Variants in CNTN1 observed in about 807,000 individuals in gnomAD.
The protein encoded by CNTN1 is contactin 1.
A neutral mutation model predicts 126.4 loss-of-function variants in CNTN1; 38 were observed. That is an observed-to-expected ratio of 0.30 (90% CI 0.23 to 0.39). The LOEUF is 0.39. Among genes scored for constraint, CNTN1 ranks in the 10% least tolerant of loss-of-function variants. CNTN1 has a pLI of 1.00. For missense variants in CNTN1, 1,009 were observed against 1,248.4 expected, an observed-to-expected ratio of 0.81 and a Z score of 2.89; for synonymous variants, 413 against 422.6, an observed-to-expected ratio of 0.98 and a Z score of 0.28.
intron 3 of CNTN1, among the ~76,000 whole-genome samples, chr12:40,912,979 C>A (rs1480488313): frequency 1.3e-5 from 2 of 152,148 alleles, no homozygotes; most frequent in African/African-American, 4.8e-5. Flanking sequence ...AGAAGATGCC[C>A]AGCCAGGTAT....
Position 40,924,591 on chromosome 12 carries a change from G to A in CNTN1, c.435G>A (p.Glu145=), listed in dbSNP as rs1945569422. The A allele has an allele frequency of 1.2e-6, 2 of 1,607,580 alleles. No homozygotes were observed. The highest frequency in any genetic ancestry group is 1.7e-6 in the Non-Finnish European group (2 of 1,174,778). The change falls in exon 6 of 24, where the codon GAG becomes GAA. Residue 145 remains glutamate (E), a synonymous_variant. Coordinates refer to ENST00000551295, the MANE Select transcript of CNTN1 (RefSeq NM_001843.4). ...LDPFPPEERP[E]VRVKEGKGMV... is the part of the protein sequence containing the mutation. Reference sequence around the variant, plus strand: ...CTTTCCCACCTGAGGAACGTCCTGAGGTCAGAGTAAAAGAAGGGAAAGGAA... The same window carrying A: ...CTTTCCCACCTGAGGAACGTCCTGAAGTCAGAGTAAAAGAAGGGAAAGGAA...
intron 1 of CNTN1, among the ~76,000 whole-genome samples, chr12:40,726,628 A>G (rs1942357980): frequency 6.6e-6 from 1 of 152,204 alleles, no homozygotes; most frequent in South Asian, 2.1e-4. Flanking sequence ...TATAGGGATT[A>G]CAATTGGAAG....
intron 14 of CNTN1, among the ~76,000 whole-genome samples, chr12:40,952,509 G>T (rs1946726284): frequency 6.6e-6 from 1 of 151,982 alleles, no homozygotes; most frequent in African/African-American, 2.4e-5. Flanking sequence ...AGTTATATTA[G>T]CCATTTTAAT....
chr12:40,730,195 A>T (rs1409911420), intron 1 of CNTN1, among the ~76,000 whole-genome samples: 1 of 152,240 alleles, frequency 6.6e-6, no homozygotes, highest in Non-Finnish European at 1.5e-5. Flanking sequence ...TGGCAAAAGT[A>T]GCCATGCTCC....
At position 40,789,394 on chromosome 12, in the gene CNTN1, A is replaced by ATTTTTT. The variant is rs1565738361; in HGVS notation, c.-77+96802_-77+96803insTTTTTT. 6.5e-5 allele frequency among the ~76,000 whole-genome samples: 2 copies of ATTTTTT among 30,722 alleles called. 1 individual carries two copies. Among genetic ancestry groups the ATTTTTT allele is most frequent in the Non-Finnish European group, 1.9e-4 (2 of 10,664 alleles). The allele number at this position is 30,722 out of a possible 152,430, so 20.2% of individuals were successfully genotyped here. A position where few individuals can be genotyped will look rare whatever the true frequency, so the allele number is the denominator to read the frequency against. ...TTGTAAGAGGCATACTGTTGCAATG[A>ATTTTTT]AAACAACCTAAAGAAATTGAAATTT... On this transcript the variant is annotated intron_variant, in intron 1 of 23. Transcript: ENST00000551295.
intron 12 of CNTN1, among the ~76,000 whole-genome samples, chr12:40,942,305 A>G (rs1946287892): frequency 6.6e-6 from 1 of 152,148 alleles, no homozygotes; most frequent in Non-Finnish European, 1.5e-5. Context: ...GAGGGAAAAT[A>G]GAGAGGAAGC....
At chr12:40,788,981 C>T (rs1338279747) in intron 1 of CNTN1, among the ~76,000 whole-genome samples, 2 of 152,082 alleles carry the variant, frequency 1.3e-5, no homozygotes, top group South Asian at 2.1e-4. Context: ...TTCATTTTCA[C>T]TATATCCCAC....
Position 40,993,280 on chromosome 12 carries a change from A to G in CNTN1, c.2113+11A>G, listed in dbSNP as rs1948135808. ...AAACAGACGGTGCTGGTATGTATAT[A>G]CAAGAAACTTGAAATTTTAAAAGAT... On this transcript the variant is annotated intron_variant, in intron 17 of 23. Transcript: ENST00000551295. 2 of 1,611,940 alleles carry G rather than the reference A, an allele frequency of 1.2e-6. No homozygotes were observed. Among genetic ancestry groups the G allele is most frequent in the Middle Eastern group, 3.3e-4 (2 of 6,058 alleles).
chr12:40,698,296 C>T (rs1307558029), intron 1 of CNTN1, among the ~76,000 whole-genome samples: 2 of 129,894 alleles, frequency 1.5e-5, no homozygotes, highest in Non-Finnish European at 3.1e-5. Flanking sequence ...AGTGCAGTGG[C>T]GTGATCTCAG....
At chr12:40,938,928 C>T (rs1392445356) in intron 11 of CNTN1, among the ~76,000 whole-genome samples, 1 of 152,110 alleles carries the variant, frequency 6.6e-6, no homozygotes, top group Non-Finnish European at 1.5e-5. Context: ...CATGCACCAA[C>T]ATGCCCAGCT....
chr12:40,939,513 G>A, intron 12 of CNTN1, 28 bp downstream of exon 12: 1 of 1,611,924 alleles, frequency 6.2e-7, no homozygotes, highest in Non-Finnish European at 8.5e-7. Context: ...AAATCCAATT[G>A]CAAAATCTGT....
chr12:40,900,439 G>T (rs1163867140), intron 1 of CNTN1, among the ~76,000 whole-genome samples: 1 of 152,014 alleles, frequency 6.6e-6, no homozygotes, highest in Non-Finnish European at 1.5e-5. Context: ...CATTTTGGGA[G>T]TGTGTGTGTG....
chr12:40,710,233 T>C (rs891008388), intron 1 of CNTN1, among the ~76,000 whole-genome samples: 3 of 152,052 alleles, frequency 2.0e-5, no homozygotes, highest in African/African-American at 4.8e-5. Flanking sequence ...AATTTCAATA[T>C]TGTTGTCTCA....
chr12:40,899,708 A>G (rs1464317877), intron 1 of CNTN1, among the ~76,000 whole-genome samples: 3 of 152,156 alleles, frequency 2.0e-5, no homozygotes. Context: ...TAGTATGCCT[A>G]CAAATTTCCC....
chr12:40,955,561 G>A (rs1176561332), intron 14 of CNTN1, among the ~76,000 whole-genome samples: 1 of 151,934 alleles, frequency 6.6e-6, no homozygotes, highest in Non-Finnish European at 1.5e-5. Context: ...AAAACCATTT[G>A]AAATTACTGA....
intron 2 of CNTN1, among the ~76,000 whole-genome samples, chr12:40,909,431 C>T (rs958716626): frequency 1.3e-5 from 2 of 151,738 alleles, no homozygotes; most frequent in African/African-American, 2.4e-5. Context: ...CTAATACTTT[C>T]ATGATAATGA....
chr12:41,060,573 G>A (rs1190050726), intron 23 of CNTN1, among the ~76,000 whole-genome samples: 1 of 152,098 alleles, frequency 6.6e-6, no homozygotes, highest in Non-Finnish European at 1.5e-5. Context: ...AGTTACTCCT[G>A]GTGATAACTC....
chr12:40,788,822 C>T (rs1052884174), intron 1 of CNTN1, among the ~76,000 whole-genome samples: 1 of 152,060 alleles, frequency 6.6e-6, no homozygotes, highest in Non-Finnish European at 1.5e-5. Flanking sequence ...TATGTTCTGC[C>T]TCATCACATA....
chr12:41,041,593 G>T (rs1339851522), intron 23 of CNTN1, among the ~76,000 whole-genome samples: 1 of 152,174 alleles, frequency 6.6e-6, no homozygotes, highest in Middle Eastern at 3.4e-3. Flanking sequence ...CAATTTCAGA[G>T]CCTGTTATTG....
Sources: allele counts gnomAD v4.1 joint callset (sites outside exome capture counted in the v4.1 genomes callset), GRCh38; gene constraint gnomAD v4.1.1; transcripts MANE v1.5; gene names NCBI Gene and HGNC (gene_info 2026-07-23, HGNC 2026-07-21).